Variants in RELCH observed in about 807,000 individuals in gnomAD.
RELCH encodes RAB11 binding and LisH domain, coiled-coil and HEAT repeat containing, also known as RAB11-binding protein RELCH.
Under a neutral mutation model 150.3 loss-of-function variants are expected in RELCH, and 41 were observed. That is an observed-to-expected ratio of 0.27 (90% confidence interval 0.21 to 0.35). RELCH has a LOEUF of 0.35. RELCH is among the 10% of genes least tolerant of loss of function. The probability of loss-of-function intolerance (pLI) is 1.00; values close to 1 mark genes in which losing one functional copy is unlikely to be tolerated. For missense variants in RELCH, 1,092 were observed against 1,467.8 expected (o/e 0.74, Z 4.18); for synonymous variants, 478 against 531.8 (o/e 0.90, Z 1.39).
At chr18:62,233,147 T>G (rs1161818339) in intron 10 of RELCH, among the ~76,000 whole-genome samples, 1 of 151,672 alleles carries the variant, frequency 6.6e-6, no homozygotes, top group African/African-American at 2.4e-5. Context: ...ATAGTTATAT[T>G]TAGTCAAAAG....
intron 1 of RELCH, among the ~76,000 whole-genome samples, chr18:62,209,402 C>A (rs1037991185): frequency 6.6e-6 from 1 of 152,154 alleles, no homozygotes; most frequent in African/African-American, 2.4e-5. Context: ...CTTCTTTCCT[C>A]CAGTGAAATG....
At chr18:62,196,675 T>C (rs2039073323) in intron 1 of RELCH, among the ~76,000 whole-genome samples, 1 of 152,236 alleles carries the variant, frequency 6.6e-6, no homozygotes, top group African/African-American at 2.4e-5. Flanking sequence ...TTGTTTCAAA[T>C]TTATTCCTGT....
chr18:62,279,368 C>A (rs999063593), intron 22 of RELCH, among the ~76,000 whole-genome samples: 1 of 152,168 alleles, frequency 6.6e-6, no homozygotes, highest in African/African-American at 2.4e-5. Context: ...TTAAAAACAG[C>A]CCAGTTTGTA....
At chr18:62,216,579 A>G (rs1022136727) in intron 2 of RELCH, among the ~76,000 whole-genome samples, 2 of 152,094 alleles carry the variant, frequency 1.3e-5, no homozygotes, top group African/African-American at 4.8e-5. Context: ...CAAGTATCGG[A>G]ATGTCCATTC....
intron 11 of RELCH, chr18:62,246,171 T>C (rs904655827): frequency 6.6e-6 from 1 of 152,194 alleles, no homozygotes; most frequent in Non-Finnish European, 1.5e-5. Context: ...CATCAAACCA[T>C]TTATCGTAAA....
At chr18:62,257,231 C>G (rs905703522) in intron 13 of RELCH, among the ~76,000 whole-genome samples, 1 of 148,444 alleles carries the variant, frequency 6.7e-6, no homozygotes, top group South Asian at 2.1e-4. Flanking sequence ...CTAACCTCAG[C>G]CATGAAGCTA....
chr18:62,247,097 A>G (rs2042455005), intron 11 of RELCH: 1 of 152,194 alleles, frequency 6.6e-6, no homozygotes, highest in South Asian at 2.1e-4. Context: ...TATATCTGAG[A>G]TATCTCAGGG....
chr18:62,192,075 A>G (rs1205076077), intron 1 of RELCH, among the ~76,000 whole-genome samples: 1 of 152,182 alleles, frequency 6.6e-6, no homozygotes, highest in Non-Finnish European at 1.5e-5. Flanking sequence ...TTGACTTTTT[A>G]ATAATCACCA....
intron 11 of RELCH, 92 bp from the exon 12 acceptor site, chr18:62,252,572 A>C (rs1339680453): frequency 1.2e-6 from 1 of 839,786 alleles, no homozygotes; most frequent in Non-Finnish European, 2.0e-6. Flanking sequence ...CTTGTACTCT[A>C]TGTGAATTTA....
At chr18:62,238,816 A>T (rs1478859500) in intron 10 of RELCH, among the ~76,000 whole-genome samples, 1 of 152,134 alleles carries the variant, frequency 6.6e-6, no homozygotes, top group Admixed American at 6.6e-5. Context: ...AAGATGAAAC[A>T]TATCTCAATA....
intron 5 of RELCH, among the ~76,000 whole-genome samples, chr18:62,222,748 T>C (rs564004025): frequency 8.5e-5 from 13 of 152,140 alleles, no homozygotes; most frequent in Admixed American, 2.0e-4. Context: ...TAAAAATGCT[T>C]CATCCTTCAA....
chr18:62,188,446 AG>A (rs2038325656), intron 1 of RELCH, among the ~76,000 whole-genome samples: 1 of 152,232 alleles, frequency 6.6e-6, no homozygotes, highest in Non-Finnish European at 1.5e-5. Context: ...AGTCTGAGCC[AG>A]GAGAGAAAGA....
chr18:62,292,661 G>C (rs2939422), intron 27 of RELCH, among the ~76,000 whole-genome samples: 111,246 of 152,112 alleles, frequency 0.73, 40,919 homozygotes, highest in East Asian at 0.9. Context: ...CAGAATTACT[G>C]TCTGTCTCCC....
intron 19 of RELCH, among the ~76,000 whole-genome samples, chr18:62,267,150 A>G (rs556526292): frequency 3.2e-4 from 49 of 152,042 alleles, no homozygotes; most frequent in African/African-American, 1.1e-3. Context: ...GTATATAAGC[A>G]TATATGTTTT....
intron 1 of RELCH, among the ~76,000 whole-genome samples, chr18:62,195,280 C>CTCTGTGTGTG (rs1555710819): frequency 4.4e-5 from 6 of 136,230 alleles, no homozygotes; most frequent in Admixed American, 3.7e-4. Flanking sequence ...TACACACACT[C>CTCTGTGTGTG]TGTGTGTGTG....
chr18:62,246,044 C>T (rs993516136), intron 11 of RELCH: 1 of 152,172 alleles, frequency 6.6e-6, no homozygotes, highest in African/African-American at 2.4e-5. Context: ...AGAAACCTAA[C>T]TAACCTTCAG....
chr18:62,280,368 T>C, intron 23 of RELCH: 1 of 1,613,952 alleles, frequency 6.2e-7, no homozygotes, highest in Non-Finnish European at 8.5e-7. Flanking sequence ...AGCTGACTCT[T>C]CGAGGCATGA....
rs2041299374 is a variant in RELCH, at chr18:62,227,599, A to G, written c.1064A>G (p.Asn355Ser). The G allele has an allele frequency of 2.0e-6, 3 of 1,535,634 alleles. No homozygotes were observed. The highest frequency in any genetic ancestry group is 2.7e-6 in the Non-Finnish European group (3 of 1,120,358). ...PTLETPQPAENSMLVQKLEDK... is the reference protein window; with the variant it reads ...PTLETPQPAESSMLVQKLEDK... ...GTTTTTCTCCTGTTTTGATTTTAGA[A>G]CTCCATGTTAGTACAGAAATTAGAA... is the stretch of plus-strand genomic sequence containing the variant. The change falls in exon 7 of 29, where the codon AAC becomes AGC. Residue 355 changes from asparagine (N) to serine (S), a missense_variant and splice_region_variant. Transcript: ENST00000644646.
chr18:62,241,325 C>G (rs1369868620), intron 10 of RELCH, among the ~76,000 whole-genome samples: 1 of 152,128 alleles, frequency 6.6e-6, no homozygotes, highest in Non-Finnish European at 1.5e-5. Flanking sequence ...ATCTCTTGAG[C>G]CCAGGAGTTT....
Sources: allele counts gnomAD v4.1 joint callset (sites outside exome capture counted in the v4.1 genomes callset), GRCh38; gene constraint gnomAD v4.1.1; transcripts MANE v1.5; gene names NCBI Gene and HGNC (gene_info 2026-07-23, HGNC 2026-07-21).